PSG9: variants seen among roughly 807,000 people sequenced by gnomAD.
PSG9 encodes the protein pregnancy-specific beta-1-glycoprotein 9.
Under a neutral mutation model 41.9 loss-of-function variants are expected in PSG9, and 49 were observed. The observed-to-expected ratio is 1.17, with a 90% confidence interval of 0.93 to 1.48. PSG9 has a LOEUF of 1.48. Among genes scored for constraint, PSG9 ranks in the 40% most tolerant of loss-of-function variants. PSG9 has a pLI of 0.00. For missense variants in PSG9, 641 were observed against 520.3 expected (o/e 1.23, Z -2.26); for synonymous variants, 263 against 196.8 (o/e 1.34, Z -2.82).
At position 43,258,460 on chromosome 19, in the gene PSG9, G is replaced by T; in HGVS notation, c.989-4C>A. 6.4e-7 allele frequency: 1 copy of T among 1,558,236 alleles called. No individual in the cohort carries two copies. ...ATTCTGGGGAGGTCTGGACCATCTGGAGGAAAGAGAATAAAGCCACACGTG... is the reference window on the plus strand; with the variant it reads ...ATTCTGGGGAGGTCTGGACCATCTGTAGGAAAGAGAATAAAGCCACACGTG... On this transcript the variant is annotated splice_polypyrimidine_tract_variant and splice_region_variant and intron_variant, in intron 4 of 5. Transcript: ENST00000270077.
chr19:43,255,260 G>A (rs1274416763), intron 5 of PSG9, among the ~76,000 whole-genome samples: 1 of 146,398 alleles, frequency 6.8e-6, no homozygotes, highest in Non-Finnish European at 1.5e-5. Context: ...ACAAAAATAT[G>A]AGTATAACTA....
At chr19:43,255,851 AAG>A (rs2122498597) in intron 5 of PSG9, among the ~76,000 whole-genome samples, 1 of 146,902 alleles carries the variant, frequency 6.8e-6, no homozygotes, top group Non-Finnish European at 1.5e-5. Context: ...AAAGAAATGA[AAG>A]ATGACATCAA....
intron 5 of PSG9, among the ~76,000 whole-genome samples, chr19:43,254,503 T>C (rs2122492616): frequency 6.8e-6 from 1 of 146,440 alleles, no homozygotes; most frequent in Non-Finnish European, 1.5e-5. Context: ...TTGAGTCTTG[T>C]GCAAGAAATT....
chr19:43,265,377 C>CT (rs1968918464), intron 2 of PSG9, among the ~76,000 whole-genome samples: 1 of 152,110 alleles, frequency 6.6e-6, no homozygotes. Context: ...TGAGATTGGT[C>CT]TTTTGAGATG....
intron 2 of PSG9, among the ~76,000 whole-genome samples, chr19:43,267,177 G>A (rs1341191179): frequency 6.6e-6 from 1 of 152,064 alleles, no homozygotes; most frequent in East Asian, 1.9e-4. Context: ...TTGTCTTTCT[G>A]TCCTCTCCAC....
In PSG9 at chr19:43,262,007, G is replaced by A; in HGVS notation, c.562C>T (p.Pro188Ser). The A allele has an allele frequency of 6.2e-7, 1 of 1,614,000 alleles. No homozygotes were observed. Among genetic ancestry groups the A allele is most frequent in the Non-Finnish European group, 8.5e-7 (1 of 1,179,920 alleles). Residue 188 changes from proline (P) to serine (S), a missense_variant, in exon 3 of 6, where the codon CCT (proline) becomes TCT (serine). By Grantham distance (74) the Pro-to-Ser change is moderately conservative. Transcript: ENST00000270077. ...GACAGCTGCAACCTGTGAGTCACAG[G>A]GAGGCTCTGACCATTCATCCACCAT... ...YLWWMNGQSL[P>S]VTHRLQLSKT...
At chr19:43,255,451 A>G (rs1968413664) in intron 5 of PSG9, among the ~76,000 whole-genome samples, 1 of 146,780 alleles carries the variant, frequency 6.8e-6, no homozygotes, top group African/African-American at 2.6e-5. Flanking sequence ...AGCAGTAACA[A>G]GACAAGGATG....
intron 5 of PSG9, 42 bp from the exon 6 acceptor site, chr19:43,253,688 T>C (rs562454902): frequency 1.1e-5 from 13 of 1,194,154 alleles, no homozygotes; most frequent in East Asian, 6.2e-5. Flanking sequence ...TCAAATTCAC[T>C]ACCTCCTTTA....
At position 43,265,365 on chromosome 19, in the gene PSG9, C is replaced by G. The variant is rs190020510; in HGVS notation, c.430+2419G>C. 1.2e-4 allele frequency among the ~76,000 whole-genome samples: 18 copies of G among 152,208 alleles called. No individual in the cohort carries two copies. The South Asian group carries it at 3.7e-3, about 32-fold the overall frequency. ...TATAGATAACATCACTATTGTAGAACGTGAGATTGGTCTTTTGAGATGTTT... is the reference window on the plus strand; with the variant it reads ...TATAGATAACATCACTATTGTAGAAGGTGAGATTGGTCTTTTGAGATGTTT... On this transcript the variant is annotated intron_variant, in intron 2 of 5. Coordinates refer to ENST00000270077, the MANE Select transcript of PSG9 (RefSeq NM_002784.5).
At chr19:43,267,731 A>G in intron 2 of PSG9, 53 bp downstream of exon 2, 3 of 1,609,150 alleles carry the variant, frequency 1.9e-6, no homozygotes, top group Non-Finnish European at 2.6e-6. Flanking sequence ...GTGTGTGTGA[A>G]GTAGAAATGA....
Position 43,257,264 on chromosome 19 carries a change from A to C in PSG9, c.1243+938T>G, listed in dbSNP as rs560546213. ...ATATGGTAAGAGGAAAAAGTTCTGG[A>C]AATGGATAGTGTGATGGTTACACAA... On this transcript the variant is annotated intron_variant, in intron 5 of 5. Transcript: ENST00000270077. The C allele has an allele frequency of 1.4e-3, 956 of 693,718 alleles. 26 individuals carry two copies. The highest frequency in any genetic ancestry group is 1.6e-3 in the Non-Finnish European group (910 of 572,762). The allele number at this position is 693,718 out of a possible 1,614,324, so 43.0% of individuals were successfully genotyped here. A position where few individuals can be genotyped will look rare whatever the true frequency, so the allele number is the denominator to read the frequency against.
chr19:43,265,322 T>G (rs1332843037), intron 2 of PSG9, among the ~76,000 whole-genome samples: 7 of 152,136 alleles, frequency 4.6e-5, no homozygotes, highest in Admixed American at 2.6e-4. Flanking sequence ...GTTTACAAAA[T>G]TTGTAACTAA....
At chr19:43,265,530 A>G (rs1461124849) in intron 2 of PSG9, among the ~76,000 whole-genome samples, 1 of 148,620 alleles carries the variant, frequency 6.7e-6, no homozygotes, top group Non-Finnish European at 1.5e-5. Context: ...TTCCATCACC[A>G]AACAATCAGC....
At position 43,261,961 on chromosome 19, in the gene PSG9, T is replaced by A. The variant is rs143377407; in HGVS notation, c.608A>T (p.Tyr203Phe). 134 of 1,613,992 alleles carry A rather than the reference T, an allele frequency of 8.3e-5. 1 individual carries two copies. Among genetic ancestry groups the A allele is most frequent in the South Asian group, 8.2e-4 (75 of 91,064 alleles). The change falls in exon 3 of 6, where the codon TAT becomes TTT. Residue 203 changes from tyrosine (Y) to phenylalanine (F), a missense_variant. Coordinates refer to ENST00000270077, the MANE Select transcript of PSG9 (RefSeq NM_002784.5). The stretch of plus-strand genomic sequence containing the variant: ...AATATACTTTGTGACACCAAATAGA[T>A]AGAGGGTCCTGTTGGTTTTGGACAG... ...LQLSKTNRTL[Y>F]LFGVTKYIAG...
intron 2 of PSG9, among the ~76,000 whole-genome samples, chr19:43,263,056 G>A (rs1568417025): frequency 6.6e-6 from 1 of 152,178 alleles, no homozygotes; most frequent in East Asian, 1.9e-4. Context: ...CCAATATTTG[G>A]GAAGAAGTCT....
chr19:43,262,763 A>T (rs1968787149), intron 2 of PSG9, among the ~76,000 whole-genome samples: 1 of 152,122 alleles, frequency 6.6e-6, no homozygotes, highest in African/African-American at 2.4e-5. Context: ...ATAGTGACTG[A>T]CTTGAGCCAG....
intron 2 of PSG9, 23 bp from the exon 3 acceptor site, chr19:43,262,161 A>T (rs772093857): frequency 6.2e-7 from 1 of 1,604,520 alleles, no homozygotes. Flanking sequence ...CAGAGAGAAG[A>T]TTGCCCTGTG....
intron 5 of PSG9, among the ~76,000 whole-genome samples, chr19:43,255,154 C>T (rs1968403813): frequency 7.0e-6 from 1 of 143,068 alleles, no homozygotes; most frequent in Non-Finnish European, 1.5e-5. Context: ...CGATTACTAC[C>T]AATTCTAATA....
rs1256573590 is a variant in PSG9 at position 43,268,066 on chromosome 19, C to A, written c.148G>T (p.Asp50Tyr). The change falls in exon 2 of 6, where the codon GAT becomes TAT. Residue 50 changes from aspartate to tyrosine, a missense_variant. Asp to Tyr is a radical substitution (Grantham distance 160). Transcript: ENST00000270077. ...AQPPKVSEGK[D>Y]VLLLVHNLPQ... Reference sequence around the variant, plus strand: ...AAATTGTGGACAAGTAGAAGAACATCCTTCCCCTCAGAAACTTTGGGTGGC... The same window carrying A: ...AAATTGTGGACAAGTAGAAGAACATACTTCCCCTCAGAAACTTTGGGTGGC... 2 of 1,613,626 alleles carry A rather than the reference C, an allele frequency of 1.2e-6. No individual in the cohort carries two copies. Among genetic ancestry groups the A allele is most frequent in the Non-Finnish European group, 1.7e-6 (2 of 1,179,856 alleles).
Sources: gnomAD v4.1 joint callset for allele counts (sites outside exome capture counted in the v4.1 genomes callset) on GRCh38, gnomAD v4.1.1 for gene constraint, MANE v1.5 for transcripts, NCBI Gene and HGNC (gene_info 2026-07-23, HGNC 2026-07-21) for gene names.